Variants in AGBL1 observed in about 807,000 individuals in gnomAD.
AGBL1 encodes the protein cytosolic carboxypeptidase 4.
AGBL1 carries 130 observed loss-of-function variants against 118.9 expected under a neutral mutation model. The observed-to-expected ratio is 1.09, with a 90% CI of 0.95 to 1.26. The LOEUF (loss-of-function observed/expected upper bound fraction) is 1.26. AGBL1 is among the 50% of genes most tolerant of loss of function. AGBL1 has a pLI of 0.00. For missense variants in AGBL1, 1,584 were observed against 1,298.1 expected (o/e 1.22, Z -3.38); for synonymous variants, 555 against 478.9 (o/e 1.16, Z -2.08).
chr15:86,943,531 T>A (rs1596657919), intron 23 of AGBL1, among the ~76,000 whole-genome samples: 1 of 152,312 alleles, frequency 6.6e-6, no homozygotes, highest in East Asian at 1.9e-4. Context: ...CACGAGAGAT[T>A]GGTTGGACCA....
chr15:86,539,365 T>C (rs998520421), intron 19 of AGBL1, among the ~76,000 whole-genome samples: 1 of 152,328 alleles, frequency 6.6e-6, no homozygotes, highest in East Asian at 1.9e-4. Flanking sequence ...TTCTTTACTC[T>C]CACAAAACTT....
intron 17 of AGBL1, among the ~76,000 whole-genome samples, chr15:86,340,195 C>T (rs561283160): frequency 3.0e-4 from 45 of 151,856 alleles, no homozygotes; most frequent in South Asian, 2.1e-4. Context: ...GATTTTTTGA[C>T]GGAAACCTGT....
intron 23 of AGBL1, among the ~76,000 whole-genome samples, chr15:86,960,426 G>A (rs1381316442): frequency 6.6e-6 from 1 of 151,982 alleles, no homozygotes; most frequent in African/African-American, 2.4e-5. Context: ...CATAGGGTAA[G>A]GATCAGATTC....
chr15:86,191,338 A>T (rs2077716290), intron 5 of AGBL1, among the ~76,000 whole-genome samples: 1 of 98,110 alleles, frequency 1.0e-5, no homozygotes. Flanking sequence ...ACAGGAGCAA[A>T]ACTTTGTCTC....
chr15:86,274,005 C>A (rs546419400), intron 15 of AGBL1, among the ~76,000 whole-genome samples: 2 of 152,056 alleles, frequency 1.3e-5, no homozygotes, highest in Non-Finnish European at 2.9e-5. Flanking sequence ...CAATGTGCCA[C>A]TAATCAATAA....
At chr15:86,805,515 G>A (rs1440751016) in intron 22 of AGBL1, among the ~76,000 whole-genome samples, 2 of 152,110 alleles carry the variant, frequency 1.3e-5, no homozygotes, top group African/African-American at 4.8e-5. Flanking sequence ...AGGGCTCTGT[G>A]CTGTAGACAT....
At chr15:86,231,461 A>G (rs1357022374) in intron 6 of AGBL1, among the ~76,000 whole-genome samples, 1 of 152,226 alleles carries the variant, frequency 6.6e-6, no homozygotes, top group Admixed American at 6.5e-5. Context: ...TGAGCCAAAA[A>G]TTTGCTTCAA....
At chr15:86,720,337 C>T (rs995262270) in intron 22 of AGBL1, among the ~76,000 whole-genome samples, 1 of 152,186 alleles carries the variant, frequency 6.6e-6, no homozygotes, top group African/African-American at 2.4e-5. Flanking sequence ...TCAATGATTT[C>T]TTCTCTTCAG....
chr15:86,935,683 C>T (rs746249763), intron 23 of AGBL1, among the ~76,000 whole-genome samples: 2 of 152,176 alleles, frequency 1.3e-5, no homozygotes, highest in Non-Finnish European at 2.9e-5. Flanking sequence ...AAAGAGCCCA[C>T]GTTAGTGTTT....
At chr15:86,268,230 A>G (rs2079103802) in intron 13 of AGBL1, among the ~76,000 whole-genome samples, 1 of 150,862 alleles carries the variant, frequency 6.6e-6, no homozygotes, top group Admixed American at 6.6e-5. Context: ...TTTTTTTTGT[A>G]CATAAAATAT....
chr15:86,494,103 T>A (rs1471719009), intron 18 of AGBL1, among the ~76,000 whole-genome samples: 1 of 151,990 alleles, frequency 6.6e-6, no homozygotes, highest in Non-Finnish European at 1.5e-5. Context: ...GGGTAAGAGG[T>A]GGGAGATGAG....
chr15:86,564,225 T>G (rs1649180985), intron 21 of AGBL1, among the ~76,000 whole-genome samples: 1 of 152,216 alleles, frequency 6.6e-6, no homozygotes, highest in Admixed American at 6.5e-5. Context: ...CTTCCTAGCA[T>G]CGATGGTCTT....
chr15:86,372,546 A>T (rs998808644), intron 17 of AGBL1, among the ~76,000 whole-genome samples: 1 of 151,838 alleles, frequency 6.6e-6, no homozygotes, highest in African/African-American at 2.4e-5. Flanking sequence ...TTCATTCTCT[A>T]TTTCTCTCCA....
chr15:86,694,808 T>C (rs573325210), intron 22 of AGBL1, among the ~76,000 whole-genome samples: 1 of 152,234 alleles, frequency 6.6e-6, no homozygotes, highest in African/African-American at 2.4e-5. Context: ...CATAAAGCGA[T>C]GCTGGATTTT....
At chr15:86,598,767 G>T (rs1297727636) in intron 21 of AGBL1, among the ~76,000 whole-genome samples, 1 of 152,122 alleles carries the variant, frequency 6.6e-6, no homozygotes, top group Non-Finnish European at 1.5e-5. Flanking sequence ...ATGACTTACT[G>T]TAGATATGTT....
At position 86,442,982 on chromosome 15, in the gene AGBL1, G is replaced by A. The variant is rs150093819; in HGVS notation, c.2555+45436G>A. Among the ~76,000 whole-genome samples the A allele has an allele frequency of 7.1e-3, 1,075 of 152,300 alleles. 15 individuals carry two copies. The highest frequency in any genetic ancestry group is 0.045 in the South Asian group (217 of 4,826). On this transcript the variant is annotated intron_variant, in intron 18 of 22. Coordinates refer to ENST00000614907, the MANE Select transcript of AGBL1 (RefSeq NM_001386094.1). Reference sequence around the variant, plus strand: ...CTGCAAGGAAGTAAAAGTGATGGGGGCAGGATCGTGGGTGTTACTGCTATT... The same window carrying A: ...CTGCAAGGAAGTAAAAGTGATGGGGACAGGATCGTGGGTGTTACTGCTATT...
chr15:86,545,325 G>T (rs1462565276), intron 19 of AGBL1, among the ~76,000 whole-genome samples: 1 of 152,194 alleles, frequency 6.6e-6, no homozygotes, highest in Admixed American at 6.5e-5. Flanking sequence ...AAAAATTAGA[G>T]TGATTGATTA....
chr15:86,858,755 G>C (rs2079520855), intron 22 of AGBL1, among the ~76,000 whole-genome samples: 1 of 152,152 alleles, frequency 6.6e-6, no homozygotes, highest in African/African-American at 2.4e-5. Context: ...TGAAGAATCA[G>C]GAAACTTGGG....
rs1003454861 is a variant in AGBL1, at chr15:86,914,546, G to A, written c.*7252G>A. The A allele has an allele frequency of 6.6e-6, 1 of 152,166 alleles. No homozygotes were observed. Among genetic ancestry groups the A allele is most frequent in the Non-Finnish European group, 1.5e-5 (1 of 68,038 alleles). 9.4% of individuals were successfully genotyped at this position (152,166 alleles called of 1,614,324 possible). A position where few individuals can be genotyped will look rare whatever the true frequency, so the allele number is the denominator to read the frequency against. On this transcript the variant is annotated 3_prime_UTR_variant, in exon 23 of 23. Coordinates refer to ENST00000614907, the MANE Select transcript of AGBL1 (RefSeq NM_001386094.1). Reference sequence around the variant, plus strand: ...GAACCATAACACAGTTACAGCTAACGTGGTAATTAGCAACACTTAGTATCT... The same window carrying A: ...GAACCATAACACAGTTACAGCTAACATGGTAATTAGCAACACTTAGTATCT...
Sources: allele counts gnomAD v4.1 joint callset (sites outside exome capture counted in the v4.1 genomes callset), GRCh38; gene constraint gnomAD v4.1.1; transcripts MANE v1.5; gene names NCBI Gene and HGNC (gene_info 2026-07-23, HGNC 2026-07-21).